The following CSTPP1 variants were observed in gnomAD, a reference collection of about 807,000 sequenced individuals.
CSTPP1 encodes the protein UPF0705 protein C11orf49.
chr11:47,164,382 G>C, the CSTPP1 span: 1 of 1,091,408 alleles, frequency 9.2e-7, no homozygotes, highest in Middle Eastern at 2.9e-4. Context: ...AGTCCAGAAA[G>C]AAAGTCAAGT....
the CSTPP1 span, among the ~76,000 whole-genome samples, chr11:47,152,975 G>A: frequency 6.6e-6 from 1 of 152,208 alleles, no homozygotes; most frequent in African/African-American, 2.4e-5. Flanking sequence ...TGCCTGCCCT[G>A]CTGAGCCTGC....
chr11:47,125,454 C>G, the CSTPP1 span, among the ~76,000 whole-genome samples: 1 of 152,134 alleles, frequency 6.6e-6, no homozygotes, highest in Admixed American at 6.6e-5. Context: ...GTTCCACTCA[C>G]CCTCAGTGAG....
At chr11:46,937,044 T>A in the CSTPP1 span, among the ~76,000 whole-genome samples, 2 of 151,972 alleles carry the variant, frequency 1.3e-5, no homozygotes, top group Non-Finnish European at 2.9e-5. Flanking sequence ...AAGTAAAGAA[T>A]GTTTGAAGTG....
chr11:47,074,731 C>A, the CSTPP1 span, among the ~76,000 whole-genome samples: 1 of 152,122 alleles, frequency 6.6e-6, no homozygotes, highest in Non-Finnish European at 1.5e-5. Context: ...TTCCTGAGAA[C>A]CATATATTTG....
At chr11:47,067,177 A>G in the CSTPP1 span, among the ~76,000 whole-genome samples, 1 of 152,170 alleles carries the variant, frequency 6.6e-6, no homozygotes. Context: ...TAGCTTTACT[A>G]ATGTTCAGAA....
the CSTPP1 span, among the ~76,000 whole-genome samples, chr11:47,008,093 A>G: frequency 5.3e-5 from 8 of 151,902 alleles, no homozygotes; most frequent in African/African-American, 1.9e-4. Flanking sequence ...TCAGCCTCCC[A>G]AGTAGCTGGG....
At chr11:47,090,037 A>G in the CSTPP1 span, among the ~76,000 whole-genome samples, 1 of 152,150 alleles carries the variant, frequency 6.6e-6, no homozygotes, top group Admixed American at 6.5e-5. Context: ...GCTGGAGTGC[A>G]ATGGTGGGAT....
chr11:46,971,033 A>C, the CSTPP1 span, among the ~76,000 whole-genome samples: 1 of 152,246 alleles, frequency 6.6e-6, no homozygotes, highest in Non-Finnish European at 1.5e-5. Flanking sequence ...GTGTCATTAC[A>C]CTTTTCTACA....
At chr11:47,046,805 A>G in the CSTPP1 span, among the ~76,000 whole-genome samples, 2 of 148,912 alleles carry the variant, frequency 1.3e-5, no homozygotes, top group African/African-American at 5.0e-5. Context: ...AGCTGGGATT[A>G]CAGGCATCCA....
At chr11:47,077,928 A>G in the CSTPP1 span, among the ~76,000 whole-genome samples, 3 of 152,234 alleles carry the variant, frequency 2.0e-5, no homozygotes, top group African/African-American at 7.2e-5. Flanking sequence ...TAATCATTCT[A>G]AGAAAAACAA....
chr11:47,063,488 C>A, the CSTPP1 span, among the ~76,000 whole-genome samples: 1 of 152,138 alleles, frequency 6.6e-6, no homozygotes, highest in South Asian at 2.1e-4. Context: ...TCCCATTTCT[C>A]TCCTCCTCCA....
chr11:46,976,509 CT>C, the CSTPP1 span, among the ~76,000 whole-genome samples: 1 of 152,156 alleles, frequency 6.6e-6, no homozygotes, highest in South Asian at 2.1e-4. Flanking sequence ...CTATTATTAG[CT>C]GCACCTTGGG....
chr11:46,983,063 T>C, the CSTPP1 span, among the ~76,000 whole-genome samples: 1 of 152,218 alleles, frequency 6.6e-6, no homozygotes, highest in Non-Finnish European at 1.5e-5. Context: ...AAAATTGTTA[T>C]GCTGTTTTAA....
chr11:47,039,245 A>C, the CSTPP1 span, among the ~76,000 whole-genome samples: 1 of 128,010 alleles, frequency 7.8e-6, no homozygotes, highest in South Asian at 2.5e-4. Context: ...CTCCGTCTGC[A>C]ATCCCGGCAC....
At chr11:47,080,279 C>T in the CSTPP1 span, among the ~76,000 whole-genome samples, 1 of 151,964 alleles carries the variant, frequency 6.6e-6, no homozygotes, top group Non-Finnish European at 1.5e-5. Flanking sequence ...CATGGTGAAA[C>T]CCTGTCTCTA....
At chr11:47,132,085 G>A in the CSTPP1 span, among the ~76,000 whole-genome samples, 2 of 152,176 alleles carry the variant, frequency 1.3e-5, no homozygotes, top group South Asian at 2.1e-4. Context: ...GTAGTACACT[G>A]GTCATGGTTT....
chr11:47,122,435 A>C, the CSTPP1 span, among the ~76,000 whole-genome samples: 1 of 152,208 alleles, frequency 6.6e-6, no homozygotes, highest in South Asian at 2.1e-4. Context: ...CAGGTTTCTG[A>C]AGGAAGATAC....
chr11:47,115,116 A>G, the CSTPP1 span, among the ~76,000 whole-genome samples: 1 of 152,328 alleles, frequency 6.6e-6, no homozygotes. Flanking sequence ...GGTTCTGTTT[A>G]TATGATGGAT....
At chr11:46,936,699 G>T in the CSTPP1 span, 2 of 1,527,782 alleles carry the variant, frequency 1.3e-6, no homozygotes, top group South Asian at 1.2e-5. Context: ...ACCTCCTCCA[G>T]CTCCCGTCCC....
Sources: gnomAD v4.1 joint callset for allele counts (sites outside exome capture counted in the v4.1 genomes callset) on GRCh38, gnomAD v4.1.1 for gene constraint, MANE v1.5 for transcripts, NCBI Gene and HGNC (gene_info 2026-07-23, HGNC 2026-07-21) for gene names.